Variants in PMFBP1 observed in about 807,000 individuals in gnomAD.
PMFBP1 encodes the protein polyamine modulated factor 1 binding protein 1, also known as polyamine-modulated factor 1-binding protein 1.
In PMFBP1, 131 loss-of-function variants were observed where a neutral mutation model predicts 137.8. That is an observed-to-expected ratio of 0.95 (90% CI 0.82 to 1.10). PMFBP1 has a LOEUF of 1.10. Ranked by LOEUF, PMFBP1 falls within the 50% of genes least tolerant of loss-of-function variation. PMFBP1 has a pLI of 0.00. For synonymous variants in PMFBP1, 490 were observed against 450.4 expected (o/e 1.09, Z -1.11); for missense variants, 1,199 against 1,175.4 (o/e 1.02, Z -0.29).
Position 72,129,141 on chromosome 16 carries a change from C to T in PMFBP1, c.1875G>A (p.Lys625=), listed in dbSNP as rs1231941950. ...LLEDKREQLK[K]SKEHEKLMEG... ...CCATCAGCTTCTCATGCTCTTTGCT[C>T]TTCTTCAACTGCTCCCGTTTGTCCT... The change falls in exon 13 of 21, where the codon AAG becomes AAA. Residue 625 remains lysine, a synonymous_variant. Transcript: ENST00000237353. The T allele has an allele frequency of 6.2e-7, 1 of 1,614,134 alleles. No homozygotes were observed. The highest frequency in any genetic ancestry group is 2.2e-5 in the East Asian group (1 of 44,898).
the PMFBP1 span, among the ~76,000 whole-genome samples, chr16:72,236,222 G>T: frequency 6.6e-6 from 1 of 152,060 alleles, no homozygotes; most frequent in African/African-American, 2.4e-5. Flanking sequence ...TTTGTCAAAT[G>T]CTTATTCTGC....
intron 5 of PMFBP1, among the ~76,000 whole-genome samples, chr16:72,145,189 C>T (rs1260504615): frequency 6.6e-6 from 1 of 152,178 alleles, no homozygotes; most frequent in African/African-American, 2.4e-5. Flanking sequence ...GTCTCTCAGA[C>T]CACAGTGAAA....
the PMFBP1 span, among the ~76,000 whole-genome samples, chr16:72,227,369 G>T: frequency 6.6e-6 from 1 of 152,052 alleles, no homozygotes; most frequent in African/African-American, 2.4e-5. Flanking sequence ...ATAACTTTTT[G>T]TTATGCTTCC....
the PMFBP1 span, among the ~76,000 whole-genome samples, chr16:72,245,135 TG>T: frequency 6.6e-5 from 10 of 152,298 alleles, no homozygotes; most frequent in Admixed American, 3.9e-4. Flanking sequence ...ATGTTAGCAC[TG>T]GGGGGGATCT....
chr16:72,240,843 T>C, the PMFBP1 span, among the ~76,000 whole-genome samples: 418 of 152,310 alleles, frequency 2.7e-3, no homozygotes, highest in Non-Finnish European at 5.0e-3. Flanking sequence ...TATGTAAATA[T>C]GACAGTAGTA....
the PMFBP1 span, among the ~76,000 whole-genome samples, chr16:72,220,726 C>T: frequency 6.6e-6 from 1 of 152,114 alleles, no homozygotes; most frequent in Non-Finnish European, 1.5e-5. Context: ...TTGCAGGATG[C>T]AAGGTGGACA....
chr16:72,189,078 C>CAA, the PMFBP1 span, among the ~76,000 whole-genome samples: 2 of 150,748 alleles, frequency 1.3e-5, no homozygotes, highest in Non-Finnish European at 3.0e-5. Context: ...TTTTTTTGAA[C>CAA]AAATACACAG....
At chr16:72,158,955 A>G (rs1213774856) in intron 3 of PMFBP1, among the ~76,000 whole-genome samples, 1 of 152,146 alleles carries the variant, frequency 6.6e-6, no homozygotes, top group Non-Finnish European at 1.5e-5. Flanking sequence ...TGGTCACACC[A>G]CTGCACCCCA....
At chr16:72,126,260 ACACT>A in intron 14 of PMFBP1, 128 bp from the exon 15 acceptor site, 1 of 1,006,164 alleles carries the variant, frequency 9.9e-7, no homozygotes, top group Non-Finnish European at 1.5e-6. Flanking sequence ...GTCCGTGTTA[ACACT>A]CACATCTTCA....
At chr16:72,122,822 C>T (rs892809702) in intron 19 of PMFBP1, 92 bp downstream of exon 19, 13 of 1,194,324 alleles carry the variant, frequency 1.1e-5, no homozygotes, top group Non-Finnish European at 1.6e-5. Context: ...CTGGGCTGAT[C>T]CCCCTATCAA....
the PMFBP1 span, among the ~76,000 whole-genome samples, chr16:72,212,002 AT>A: frequency 8.6e-5 from 13 of 151,788 alleles, no homozygotes; most frequent in Admixed American, 2.6e-4. Context: ...GTATCAAAAA[AT>A]TTTTTTTTCT....
intron 16 of PMFBP1, 97 bp from the exon 17 acceptor site, chr16:72,125,031 G>A: frequency 4.1e-6 from 6 of 1,459,150 alleles, no homozygotes; most frequent in African/African-American, 1.4e-5. Flanking sequence ...CTTGGGATAC[G>A]TGTTGGGGGT....
the PMFBP1 span, among the ~76,000 whole-genome samples, chr16:72,218,214 A>C: frequency 6.6e-6 from 1 of 152,234 alleles, no homozygotes; most frequent in East Asian, 1.9e-4. Context: ...AGTGGGAGAC[A>C]CTCAATAGAT....
the PMFBP1 span, among the ~76,000 whole-genome samples, chr16:72,229,925 A>G: frequency 2.0e-5 from 3 of 152,210 alleles, no homozygotes; most frequent in Non-Finnish European, 2.9e-5. Flanking sequence ...GTAGGGCCCT[A>G]GAAAATGTTA....
chr16:72,244,048 C>T, the PMFBP1 span, among the ~76,000 whole-genome samples: 2 of 152,070 alleles, frequency 1.3e-5, no homozygotes, highest in Non-Finnish European at 2.9e-5. Context: ...TGTCTAGAGC[C>T]TATTCTGCAT....
At chr16:72,134,428 C>G (rs918535233) in intron 9 of PMFBP1, among the ~76,000 whole-genome samples, 1 of 152,210 alleles carries the variant, frequency 6.6e-6, no homozygotes, top group Non-Finnish European at 1.5e-5. Context: ...AAGTGATCCT[C>G]CTACCTTGGC....
chr16:72,152,316 C>G (rs1325065406), intron 4 of PMFBP1, among the ~76,000 whole-genome samples: 1 of 152,038 alleles, frequency 6.6e-6, no homozygotes, highest in Non-Finnish European at 1.5e-5. Flanking sequence ...TATGTATTCT[C>G]CCGCTCTTCC....
chr16:72,193,945 G>C, the PMFBP1 span, among the ~76,000 whole-genome samples: 2 of 150,366 alleles, frequency 1.3e-5, no homozygotes, highest in Admixed American at 1.3e-4. Flanking sequence ...TGAGGTGGAA[G>C]AGTCTATAGT....
intron 2 of PMFBP1, among the ~76,000 whole-genome samples, chr16:72,169,499 C>A (rs191441890): frequency 6.6e-6 from 1 of 152,016 alleles, no homozygotes; most frequent in African/African-American, 2.4e-5. Flanking sequence ...AAATTTAGAA[C>A]CAATTATGTT....
Sources: gnomAD v4.1 joint callset for allele counts (sites outside exome capture counted in the v4.1 genomes callset) on GRCh38, gnomAD v4.1.1 for gene constraint, MANE v1.5 for transcripts, NCBI Gene and HGNC (gene_info 2026-07-23, HGNC 2026-07-21) for gene names.